ARHGAP29: variants seen among roughly 807,000 people sequenced by gnomAD.
ARHGAP29 encodes rho GTPase-activating protein 29.
Under a neutral mutation model 122.6 loss-of-function variants are expected in ARHGAP29, and 43 were observed. The observed-to-expected ratio is 0.35, with a 90% CI of 0.27 to 0.45. ARHGAP29 has a LOEUF of 0.45. ARHGAP29 is among the 20% of genes least tolerant of loss of function. ARHGAP29 has a pLI of 1.00. For synonymous variants in ARHGAP29, 506 were observed against 497.1 expected (o/e 1.02, Z -0.24); for missense variants, 1,303 against 1,477.2 (o/e 0.88, Z 1.93).
intron 5 of ARHGAP29, among the ~76,000 whole-genome samples, chr1:94,206,980 G>A (rs78083376): frequency 6.7e-6 from 1 of 149,148 alleles, no homozygotes; most frequent in African/African-American, 2.5e-5. Context: ...TATATATATA[G>A]AGAGAGAGAG....
the ARHGAP29 span, among the ~76,000 whole-genome samples, chr1:94,307,769 A>C: frequency 6.6e-6 from 1 of 152,220 alleles, no homozygotes; most frequent in African/African-American, 2.4e-5. Context: ...TCAATTTTAA[A>C]AAGTTAAATA....
the ARHGAP29 span, among the ~76,000 whole-genome samples, chr1:94,297,927 C>T: frequency 6.6e-6 from 1 of 152,298 alleles, no homozygotes; most frequent in South Asian, 2.1e-4. Context: ...ACCTCTAAAA[C>T]CAGCCAGCTG....
intron 1 of ARHGAP29, among the ~76,000 whole-genome samples, chr1:94,271,962 T>C (rs1005581063): frequency 5.3e-5 from 8 of 152,214 alleles, no homozygotes; most frequent in Non-Finnish European, 1.2e-4. Flanking sequence ...TAATTAATCC[T>C]GATCAGCAAG....
At chr1:94,191,456 A>G (rs1557848656) in intron 12 of ARHGAP29, 1 of 152,170 alleles carries the variant, frequency 6.6e-6, no homozygotes, top group Non-Finnish European at 1.5e-5. Flanking sequence ...CTCTGCATAA[A>G]TAGTATTTGA....
At chr1:94,311,397 C>T in the ARHGAP29 span, among the ~76,000 whole-genome samples, 4 of 152,282 alleles carry the variant, frequency 2.6e-5, no homozygotes, top group African/African-American at 9.6e-5. Context: ...TGTCTCTACC[C>T]ACCAACCAGT....
intron 12 of ARHGAP29, among the ~76,000 whole-genome samples, chr1:94,197,877 C>T (rs1194054590): frequency 6.6e-6 from 1 of 152,190 alleles, no homozygotes; most frequent in African/African-American, 2.4e-5. Context: ...GAACCTACAG[C>T]TATCACCATA....
intron 1 of ARHGAP29, among the ~76,000 whole-genome samples, chr1:94,251,806 A>C (rs1654107337): frequency 6.6e-6 from 1 of 152,200 alleles, no homozygotes; most frequent in Admixed American, 6.5e-5. Flanking sequence ...TAAAAACAGC[A>C]TCCCCCTTTT....
At chr1:94,259,898 A>G (rs1212333731) in intron 1 of ARHGAP29, among the ~76,000 whole-genome samples, 1 of 152,240 alleles carries the variant, frequency 6.6e-6, no homozygotes. Flanking sequence ...CTCCCAAGTC[A>G]AAAGTTCAGA....
Position 94,173,843 on chromosome 1 carries a change from C to CA in ARHGAP29, c.*25dup, listed in dbSNP as rs762433605. 75 of 1,562,774 alleles carry CA rather than the reference C, an allele frequency of 4.8e-5. No homozygotes were observed. The Middle Eastern group carries it at 1.0e-3, about 22-fold the overall frequency. ...ATACCACAAAATAACACAACAACAACAAAAAAACCCTGAAATTTGACATCC... is the reference window on the plus strand; with the variant it reads ...ATACCACAAAATAACACAACAACAACAAAAAAAACCCTGAAATTTGACATCC... On this transcript the variant is annotated 3_prime_UTR_variant, in exon 23 of 23. Transcript: ENST00000260526.
At chr1:94,189,178 T>C in intron 14 of ARHGAP29, 38 bp downstream of exon 14, 1 of 1,566,084 alleles carries the variant, frequency 6.4e-7, no homozygotes, top group Non-Finnish European at 8.6e-7. Context: ...CAACCTGACC[T>C]TTTATAAATT....
chr1:94,285,873 C>CA, the ARHGAP29 span, among the ~76,000 whole-genome samples: 1,988 of 71,890 alleles, frequency 0.028, 33 homozygotes, highest in African/African-American at 0.053. Flanking sequence ...GACTCTGTCT[C>CA]AAAAAAAAAA....
chr1:94,300,407 C>G, the ARHGAP29 span, among the ~76,000 whole-genome samples: 1 of 152,138 alleles, frequency 6.6e-6, no homozygotes, highest in African/African-American at 2.4e-5. Flanking sequence ...GGGTGAATCA[C>G]TTGTTTCTTA....
At chr1:94,244,315 G>A (rs1376690520) in intron 1 of ARHGAP29, among the ~76,000 whole-genome samples, 2 of 151,792 alleles carry the variant, frequency 1.3e-5, no homozygotes, top group East Asian at 3.9e-4. Context: ...AATACATAAT[G>A]CCCAAGAAGG....
chr1:94,241,252 G>A (rs1307518780), upstream of ARHGAP29, among the ~76,000 whole-genome samples: 2 of 152,114 alleles, frequency 1.3e-5, no homozygotes, highest in African/African-American at 2.4e-5. Context: ...TAGCATAAAC[G>A]TGATTTCTTC....
chr1:94,182,907 C>T (rs1466183125), intron 19 of ARHGAP29, among the ~76,000 whole-genome samples: 1 of 152,040 alleles, frequency 6.6e-6, no homozygotes, highest in East Asian at 1.9e-4. Flanking sequence ...AAAAGAGATA[C>T]CCCAGGATGG....
intron 1 of ARHGAP29, among the ~76,000 whole-genome samples, chr1:94,274,357 T>C: frequency 6.6e-6 from 1 of 152,216 alleles, no homozygotes. Flanking sequence ...GCCTAATCAC[T>C]GTGAATGTTT....
intron 11 of ARHGAP29, 126 bp from the exon 12 acceptor site, chr1:94,201,983 T>C: frequency 1.0e-6 from 1 of 955,684 alleles, no homozygotes; most frequent in Non-Finnish European, 1.5e-6. Flanking sequence ...ATAATACTTC[T>C]GAAGTTAATC....
the ARHGAP29 span, among the ~76,000 whole-genome samples, chr1:94,287,944 A>C: frequency 1.4e-4 from 21 of 152,188 alleles, no homozygotes; most frequent in African/African-American, 4.6e-4. Flanking sequence ...GCTATTGTGA[A>C]TAGTCCCGCA....
chr1:94,179,983 T>C, intron 19 of ARHGAP29, 26 bp from the exon 20 acceptor site: 1 of 1,499,732 alleles, frequency 6.7e-7, no homozygotes, highest in Middle Eastern at 1.9e-4. Context: ...TACATTGGGG[T>C]AAGCATTCTA....
Sources: allele counts gnomAD v4.1 joint callset (sites outside exome capture counted in the v4.1 genomes callset), GRCh38; gene constraint gnomAD v4.1.1; transcripts MANE v1.5; gene names NCBI Gene and HGNC (gene_info 2026-07-23, HGNC 2026-07-21).